KCNMB2: variants seen among roughly 807,000 people sequenced by gnomAD.
KCNMB2 encodes the protein potassium calcium-activated channel subfamily M regulatory beta subunit 2.
Under a neutral mutation model 24.5 loss-of-function variants are expected in KCNMB2, and 9 were observed. The ratio of observed to expected loss-of-function variants is 0.37; its 90% CI spans 0.22 to 0.64. The LOEUF (loss-of-function observed/expected upper bound fraction) is 0.64. KCNMB2 is among the 30% of genes least tolerant of loss of function. The probability of loss-of-function intolerance (pLI) is 0.63; values close to 1 mark genes in which losing one functional copy is unlikely to be tolerated. For synonymous variants in KCNMB2, 109 were observed against 104.4 expected (o/e 1.04, Z -0.27); for missense variants, 226 against 284.3 (o/e 0.79, Z 1.47).
At chr3:178,749,503 G>A (rs754111594) in intron 1 of KCNMB2, among the ~76,000 whole-genome samples, 2 of 152,290 alleles carry the variant, frequency 1.3e-5, no homozygotes, top group South Asian at 4.1e-4. Context: ...AGTAAAGGAG[G>A]ATGTTTCTGG....
chr3:178,703,305 G>A (rs963123819), intron 1 of KCNMB2, among the ~76,000 whole-genome samples: 1 of 152,108 alleles, frequency 6.6e-6, no homozygotes, highest in East Asian at 1.9e-4. Context: ...GAACTGGAAT[G>A]TTTTTGGAGT....
At chr3:178,835,426 T>C (rs1715190132) in intron 4 of KCNMB2, among the ~76,000 whole-genome samples, 1 of 152,126 alleles carries the variant, frequency 6.6e-6, no homozygotes, top group South Asian at 2.1e-4. Flanking sequence ...AGAAATGAAG[T>C]CTCAATTTAC....
At chr3:178,595,090 C>T (rs752074834) in intron 1 of KCNMB2, among the ~76,000 whole-genome samples, 3 of 132,966 alleles carry the variant, frequency 2.3e-5, no homozygotes, top group South Asian at 2.5e-4. Flanking sequence ...TACATCAATA[C>T]GATGAGGCTG....
At chr3:178,687,291 C>G (rs912512494) in intron 1 of KCNMB2, among the ~76,000 whole-genome samples, 4 of 152,092 alleles carry the variant, frequency 2.6e-5, no homozygotes, top group African/African-American at 4.8e-5. Flanking sequence ...AAAGTCAGAT[C>G]AGACTTTTTG....
intron 4 of KCNMB2, 116 bp from the exon 5 acceptor site, chr3:178,842,534 AAAG>A: frequency 1.5e-6 from 1 of 676,362 alleles, no homozygotes; most frequent in East Asian, 2.5e-5. Context: ...TTGAATATGA[AAAG>A]AATAACCACC....
At chr3:178,602,821 G>C (rs531325802) in intron 1 of KCNMB2, among the ~76,000 whole-genome samples, 2 of 152,264 alleles carry the variant, frequency 1.3e-5, no homozygotes, top group Admixed American at 1.3e-4. Context: ...TACCCCCAGC[G>C]TTTCTGATGT....
intron 1 of KCNMB2, among the ~76,000 whole-genome samples, chr3:178,620,701 A>G (rs1718879600): frequency 6.6e-6 from 1 of 152,220 alleles, no homozygotes; most frequent in Admixed American, 6.5e-5. Context: ...TTTTGGGGAA[A>G]CACTAACATT....
At chr3:178,554,444 T>C (rs890964097) in intron 1 of KCNMB2, among the ~76,000 whole-genome samples, 3 of 152,240 alleles carry the variant, frequency 2.0e-5, no homozygotes, top group African/African-American at 7.2e-5. Flanking sequence ...ATCACAGTGA[T>C]ATTTAGAGAG....
At chr3:178,728,998 T>C (rs1028183736) in intron 1 of KCNMB2, among the ~76,000 whole-genome samples, 5 of 152,190 alleles carry the variant, frequency 3.3e-5, no homozygotes, top group African/African-American at 1.2e-4. Flanking sequence ...GTCTGTGTGT[T>C]ACTCTGGCCT....
At chr3:178,693,510 G>A (rs751424101) in intron 1 of KCNMB2, among the ~76,000 whole-genome samples, 8 of 152,176 alleles carry the variant, frequency 5.3e-5, no homozygotes, top group Non-Finnish European at 1.0e-4. Flanking sequence ...AGATAATTAT[G>A]TGGTTTTTGT....
chr3:178,670,852 TGG>T (rs1202054914), intron 1 of KCNMB2, among the ~76,000 whole-genome samples: 2 of 152,118 alleles, frequency 1.3e-5, no homozygotes, highest in African/African-American at 4.8e-5. Flanking sequence ...GTGACTACTC[TGG>T]GTATAAAATC....
intron 1 of KCNMB2, among the ~76,000 whole-genome samples, chr3:178,659,259 G>A (rs1338326962): frequency 6.6e-6 from 1 of 152,216 alleles, no homozygotes; most frequent in Non-Finnish European, 1.5e-5. Flanking sequence ...TTTCAAGCCA[G>A]AATGTTCTGC....
At chr3:178,645,343 C>T (rs889955107) in intron 1 of KCNMB2, among the ~76,000 whole-genome samples, 22 of 152,110 alleles carry the variant, frequency 1.4e-4, no homozygotes, top group Non-Finnish European at 2.1e-4. Context: ...AGCCACCGCA[C>T]CCAGCCTAAG....
At chr3:178,688,057 G>T (rs1721527300) in intron 1 of KCNMB2, among the ~76,000 whole-genome samples, 1 of 152,064 alleles carries the variant, frequency 6.6e-6, no homozygotes. Context: ...GTTAGGTTTG[G>T]GGTGAGAAAA....
At chr3:178,739,270 C>A (rs1348535452) in intron 1 of KCNMB2, among the ~76,000 whole-genome samples, 1 of 152,162 alleles carries the variant, frequency 6.6e-6, no homozygotes, top group Non-Finnish European at 1.5e-5. Context: ...AAAACACTTA[C>A]CTGCCCGCCT....
At chr3:178,553,372 A>T (rs1716020588) in intron 1 of KCNMB2, among the ~76,000 whole-genome samples, 1 of 152,168 alleles carries the variant, frequency 6.6e-6, no homozygotes, top group African/African-American at 2.4e-5. Flanking sequence ...AAATTGGCCA[A>T]CACAGACTTT....
At chr3:178,806,659 A>G (rs1713980999) in intron 1 of KCNMB2, among the ~76,000 whole-genome samples, 1 of 150,124 alleles carries the variant, frequency 6.7e-6, no homozygotes, top group Non-Finnish European at 1.5e-5. Flanking sequence ...CTTAGAGAGG[A>G]AAGAACTTCT....
Position 178,629,437 on chromosome 3 carries a change from T to C in KCNMB2, c.-68+92726T>C, listed in dbSNP as rs558575127. Among the ~76,000 whole-genome samples the C allele has an allele frequency of 8.5e-5, 13 of 152,172 alleles. No homozygotes were observed. In the South Asian group the frequency reaches 2.7e-3, roughly 32 times the overall value. On this transcript the variant is annotated intron_variant, in intron 1 of 4. Transcript: ENST00000452583. ...CTTATTAGAAGTCTGAGGCGCTGGG[T>C]AAAGTTCAAGAGGAATCAAAGCAGT... is the stretch of plus-strand genomic sequence containing the variant.
At chr3:178,778,455 GACACACAC>G (rs71628070) in intron 1 of KCNMB2, among the ~76,000 whole-genome samples, 2,906 of 127,484 alleles carry the variant, frequency 0.023, 55 homozygotes, top group South Asian at 0.11. Context: ...TACCCTTTAA[GACACACAC>G]ACACACACAC....
Sources: allele counts gnomAD v4.1 joint callset (sites outside exome capture counted in the v4.1 genomes callset), GRCh38; gene constraint gnomAD v4.1.1; transcripts MANE v1.5; gene names NCBI Gene and HGNC (gene_info 2026-07-23, HGNC 2026-07-21).